DAB1: variants seen among roughly 807,000 people sequenced by gnomAD.
DAB1 encodes disabled homolog 1.
Under a neutral mutation model 64.6 loss-of-function variants are expected in DAB1, and 15 were observed. The ratio of observed to expected loss-of-function variants is 0.23; its 90% CI spans 0.16 to 0.36. The LOEUF (loss-of-function observed/expected upper bound fraction) is 0.36. Among genes scored for constraint, DAB1 ranks in the 10% least tolerant of loss-of-function variants. DAB1 has a pLI of 1.00. For synonymous variants in DAB1, 235 were observed against 251.9 expected, an observed-to-expected ratio of 0.93 and a Z score of 0.64; for missense variants, 596 against 706.7, an observed-to-expected ratio of 0.84 and a Z score of 1.78.
chr1:57,275,942 G>A (rs1671421115), intron 2 of DAB1, among the ~76,000 whole-genome samples: 1 of 152,218 alleles, frequency 6.6e-6, no homozygotes, highest in Non-Finnish European at 1.5e-5. Flanking sequence ...ACAAATTTGG[G>A]AATGCACCAA....
Position 58,275,951 on chromosome 1 carries a change from G to A in DAB1, n.309+67401C>T, listed in dbSNP as rs78366908. ...TCTCTAACAACAGATAACAAAATGTGTTGTATATACACCAGTGGAATACTG... is the reference window on the plus strand; with the variant it reads ...TCTCTAACAACAGATAACAAAATGTATTGTATATACACCAGTGGAATACTG... On this transcript the variant is annotated intron_variant and non_coding_transcript_variant, in intron 4 of 20. Transcript: ENST00000485760. 2.3e-3 allele frequency among the ~76,000 whole-genome samples: 355 copies of A among 152,278 alleles called. 1 individual carries two copies. Among genetic ancestry groups the A allele is most frequent in the African/African-American group, 8.0e-3 (331 of 41,546 alleles).
intron 1 of DAB1, among the ~76,000 whole-genome samples, chr1:57,384,633 C>T (rs535616943): frequency 2.0e-5 from 3 of 152,246 alleles, no homozygotes; most frequent in African/African-American, 7.2e-5. Context: ...GAACATCATG[C>T]TAATTGAAAT....
At chr1:57,300,709 G>A (rs1317892490) in intron 1 of DAB1, among the ~76,000 whole-genome samples, 1 of 152,142 alleles carries the variant, frequency 6.6e-6, no homozygotes, top group African/African-American at 2.4e-5. Flanking sequence ...AACCCAAGGA[G>A]GCCCGAAGAA....
intron 5 of DAB1, among the ~76,000 whole-genome samples, chr1:58,130,464 A>G (rs1436273793): frequency 1.3e-5 from 2 of 152,072 alleles, no homozygotes; most frequent in African/African-American, 2.4e-5. Flanking sequence ...TACAATTAAA[A>G]TTAATATTGT....
chr1:57,744,497 C>A (rs116161367), intron 6 of DAB1, among the ~76,000 whole-genome samples: 5,081 of 151,054 alleles, frequency 0.034, 104 homozygotes, highest in Admixed American at 0.059. Context: ...TTCATTTAGT[C>A]TCCTTAATAT....
At chr1:57,065,568 G>T (rs1183793678) in intron 8 of DAB1, among the ~76,000 whole-genome samples, 1 of 152,164 alleles carries the variant, frequency 6.6e-6, no homozygotes, top group Non-Finnish European at 1.5e-5. Flanking sequence ...ATAAATATTG[G>T]TGAAACAAAG....
chr1:57,235,824 A>G (rs1231496716), intron 2 of DAB1, among the ~76,000 whole-genome samples: 1 of 152,246 alleles, frequency 6.6e-6, no homozygotes, highest in Non-Finnish European at 1.5e-5. Context: ...AACTTGAAGA[A>G]TAATGTAGAC....
At chr1:58,204,641 G>A (rs920656368) in intron 4 of DAB1, among the ~76,000 whole-genome samples, 1 of 152,222 alleles carries the variant, frequency 6.6e-6, no homozygotes, top group Non-Finnish European at 1.5e-5. Context: ...CCCAGGCAAT[G>A]AAGAAGCTGA....
At chr1:57,700,535 T>C (rs1646894764) in intron 6 of DAB1, among the ~76,000 whole-genome samples, 1 of 152,200 alleles carries the variant, frequency 6.6e-6, no homozygotes, top group Non-Finnish European at 1.5e-5. Context: ...GCCTATATGG[T>C]TTCCTCTGAG....
At chr1:57,695,696 C>T (rs1167354286) in intron 6 of DAB1, among the ~76,000 whole-genome samples, 1 of 152,070 alleles carries the variant, frequency 6.6e-6, no homozygotes, top group Admixed American at 6.6e-5. Context: ...GTCAGGAGTT[C>T]GAGACCAGCC....
chr1:57,340,079 C>T (rs142697370), intron 1 of DAB1, among the ~76,000 whole-genome samples: 430 of 152,208 alleles, frequency 2.8e-3, no homozygotes, highest in African/African-American at 9.3e-3. Flanking sequence ...AGCAAAATCT[C>T]GATGCTCTTC....
chr1:57,913,383 C>T (rs1213570226), intron 5 of DAB1, among the ~76,000 whole-genome samples: 2 of 152,192 alleles, frequency 1.3e-5, no homozygotes, highest in Non-Finnish European at 2.9e-5. Flanking sequence ...GGAAAATTGG[C>T]TAGCCATATG....
intron 6 of DAB1, among the ~76,000 whole-genome samples, chr1:57,772,251 C>T (rs1293807612): frequency 6.6e-6 from 1 of 152,116 alleles, no homozygotes; most frequent in African/African-American, 2.4e-5. Flanking sequence ...AGAAGACTCT[C>T]ACCAGACCCT....
At chr1:58,074,713 C>T (rs1649533881) in intron 5 of DAB1, among the ~76,000 whole-genome samples, 2 of 151,530 alleles carry the variant, frequency 1.3e-5, no homozygotes, top group South Asian at 2.1e-4. Context: ...CCCTCAATCA[C>T]GTGGCCTCCA....
chr1:57,047,597 G>A (rs192957296), intron 9 of DAB1, among the ~76,000 whole-genome samples: 206 of 152,246 alleles, frequency 1.4e-3, no homozygotes, highest in African/African-American at 4.7e-3. Flanking sequence ...CTCTCACTAG[G>A]AATGGAGTCC....
intron 5 of DAB1, among the ~76,000 whole-genome samples, chr1:57,931,239 T>G (rs1173031474): frequency 1.3e-5 from 2 of 152,230 alleles, no homozygotes; most frequent in Non-Finnish European, 2.9e-5. Flanking sequence ...TAAACATTGT[T>G]GGGTTCTGTT....
At chr1:57,506,716 G>A (rs974342484) in intron 7 of DAB1, among the ~76,000 whole-genome samples, 1 of 152,006 alleles carries the variant, frequency 6.6e-6, no homozygotes, top group Non-Finnish European at 1.5e-5. Context: ...AAACCAACAG[G>A]CTCCATGCCT....
intron 2 of DAB1, among the ~76,000 whole-genome samples, chr1:57,234,798 T>C (rs562300965): frequency 5.9e-5 from 9 of 152,228 alleles, no homozygotes; most frequent in Non-Finnish European, 1.3e-4. Flanking sequence ...CAGTTTCTTG[T>C]AGCTGTAGGA....
intron 4 of DAB1, among the ~76,000 whole-genome samples, chr1:58,181,318 T>G (rs1184390115): frequency 1.3e-5 from 2 of 152,142 alleles, no homozygotes; most frequent in South Asian, 2.1e-4. Context: ...TATTTTACTT[T>G]TCAACGTATT....
Sources: allele counts gnomAD v4.1 joint callset (sites outside exome capture counted in the v4.1 genomes callset), GRCh38; gene constraint gnomAD v4.1.1; transcripts MANE v1.5; gene names NCBI Gene and HGNC (gene_info 2026-07-23, HGNC 2026-07-21).